The following RETREG1 variants were observed in gnomAD, a reference collection of about 807,000 sequenced individuals.
RETREG1 encodes the protein family with sequence similarity 134 member B.
Under a neutral mutation model 54.8 loss-of-function variants are expected in RETREG1, and 44 were observed. The ratio of observed to expected loss-of-function variants is 0.80; its 90% CI spans 0.63 to 1.03. The LOEUF (loss-of-function observed/expected upper bound fraction) is 1.03. RETREG1 is among the 50% of genes least tolerant of loss of function. The probability of loss-of-function intolerance (pLI) is 0.00; values close to 1 mark genes in which losing one functional copy is unlikely to be tolerated. For synonymous variants in RETREG1, 217 were observed against 238.5 expected (o/e 0.91, Z 0.83); for missense variants, 554 against 605.1 (o/e 0.92, Z 0.89).
intron 3 of RETREG1, among the ~76,000 whole-genome samples, chr5:16,514,305 C>G (rs903939102): frequency 6.6e-5 from 10 of 152,064 alleles, no homozygotes; most frequent in Non-Finnish European, 1.0e-4. Flanking sequence ...ACGGGAGAGC[C>G]CAAAGGTCCT....
At chr5:16,495,092 G>A (rs1056255587) in intron 3 of RETREG1, among the ~76,000 whole-genome samples, 2 of 152,200 alleles carry the variant, frequency 1.3e-5, no homozygotes, top group Non-Finnish European at 2.9e-5. Flanking sequence ...AACTTAAAGA[G>A]TGATGATTTA....
intron 3 of RETREG1, among the ~76,000 whole-genome samples, chr5:16,557,039 A>C (rs1741728421): frequency 6.6e-6 from 1 of 152,166 alleles, no homozygotes; most frequent in Non-Finnish European, 1.5e-5. Context: ...CATGTTGCCT[A>C]GGCTGGTCTT....
chr5:16,588,350 A>G (rs1428802344), intron 1 of RETREG1, among the ~76,000 whole-genome samples: 1 of 152,102 alleles, frequency 6.6e-6, no homozygotes, highest in Non-Finnish European at 1.5e-5. Flanking sequence ...CACCAGTCAT[A>G]TTGAATCAGG....
chr5:16,616,663 G>T lies in RETREG1; in HGVS notation c.309C>A (p.Asn103Lys). ...GCCCAAGCTCTCACCAGAACAGCAG[G>T]TTGGCAGCGACGAAGCCGAGCAGGC... is the stretch of plus-strand genomic sequence containing the variant. ...LRSLLGFVAA[N>K]LLFWFLALTP... is the part of the protein sequence containing the mutation. The change falls in exon 1 of 9, where the codon AAC (asparagine) becomes AAA (lysine). Residue 103 changes from asparagine (N) to lysine (K), a missense_variant. Around this residue, in one of 4 missense-constraint regions of RETREG1, gnomAD observed 347 missense variants for 412.3 expected, o/e 0.84. Coordinates refer to ENST00000306320, the MANE Select transcript of RETREG1 (RefSeq NM_001034850.3). 1 of 1,595,746 alleles carries T rather than the reference G, an allele frequency of 6.3e-7. No homozygotes were observed.
At chr5:16,613,151 A>G (rs1382022936) in intron 1 of RETREG1, among the ~76,000 whole-genome samples, 1 of 152,112 alleles carries the variant, frequency 6.6e-6, no homozygotes, top group Non-Finnish European at 1.5e-5. Flanking sequence ...AACACACAAC[A>G]TAGCATCTGA....
intron 3 of RETREG1, among the ~76,000 whole-genome samples, chr5:16,492,516 G>A (rs1210457755): frequency 6.6e-6 from 1 of 150,718 alleles, no homozygotes; most frequent in Non-Finnish European, 1.5e-5. Flanking sequence ...TGGCAACCAT[G>A]ACAAACAGCT....
intron 5 of RETREG1, among the ~76,000 whole-genome samples, chr5:16,480,400 C>G (rs1738716116): frequency 6.6e-6 from 1 of 152,200 alleles, no homozygotes; most frequent in African/African-American, 2.4e-5. Context: ...GGATTATATT[C>G]TGCTTTTGGC....
chr5:16,488,745 T>C (rs2447808), intron 3 of RETREG1, among the ~76,000 whole-genome samples: 35,530 of 152,096 alleles, frequency 0.23, 5,019 homozygotes, highest in Admixed American at 0.43. Context: ...TAGCAGAGAA[T>C]AATCAGTCCT....
rs560584330 is a variant in RETREG1, at chr5:16,550,679, C to A, written c.458+15084G>T. Among the ~76,000 whole-genome samples the A allele has an allele frequency of 2.0e-5, 3 of 152,282 alleles. No individual in the cohort carries two copies. In the South Asian group the frequency reaches 6.2e-4, roughly 32 times the overall value. On this transcript the variant is annotated intron_variant, in intron 3 of 8. Coordinates refer to ENST00000306320, the MANE Select transcript of RETREG1 (RefSeq NM_001034850.3). ...AAAACAAAACCAAACAAAATAAAAC[C>A]GAGCTGCTCCCTACTCAGAATAATC... is the stretch of plus-strand genomic sequence containing the variant.
At chr5:16,502,683 T>C (rs1255079719) in intron 3 of RETREG1, among the ~76,000 whole-genome samples, 2 of 112,402 alleles carry the variant, frequency 1.8e-5, no homozygotes, top group Admixed American at 9.7e-5. Context: ...TTCGCCATTA[T>C]ATTTTTCCCC....
chr5:16,498,228 G>A (rs1561089548), intron 3 of RETREG1, among the ~76,000 whole-genome samples: 1 of 152,196 alleles, frequency 6.6e-6, no homozygotes. Flanking sequence ...ACACCACAGA[G>A]TGTACTTACA....
intron 3 of RETREG1, among the ~76,000 whole-genome samples, chr5:16,485,008 C>T (rs1436036795): frequency 6.6e-6 from 1 of 152,056 alleles, no homozygotes; most frequent in Non-Finnish European, 1.5e-5. Flanking sequence ...TATTAAAATA[C>T]TAAGTGCATA....
At chr5:16,598,756 T>C (rs1742970076) in intron 1 of RETREG1, among the ~76,000 whole-genome samples, 1 of 152,244 alleles carries the variant, frequency 6.6e-6, no homozygotes, top group Non-Finnish European at 1.5e-5. Flanking sequence ...TTGTAAGTGA[T>C]GGACCCCACC....
At chr5:16,550,799 T>A (rs889040205) in intron 3 of RETREG1, among the ~76,000 whole-genome samples, 1 of 152,212 alleles carries the variant, frequency 6.6e-6, no homozygotes, top group South Asian at 2.1e-4. Context: ...TGGAAAGGAA[T>A]GTAGTGCTGA....
chr5:16,570,822 G>A (rs1367686893), intron 2 of RETREG1, among the ~76,000 whole-genome samples: 1 of 152,104 alleles, frequency 6.6e-6, no homozygotes. Flanking sequence ...TGGGGAGTTA[G>A]GTGTCTGTTC....
chr5:16,568,594 A>T (rs1742086814), intron 2 of RETREG1, among the ~76,000 whole-genome samples: 1 of 152,148 alleles, frequency 6.6e-6, no homozygotes, highest in Non-Finnish European at 1.5e-5. Flanking sequence ...TCTATTTCAT[A>T]TTAAGCACCT....
At chr5:16,479,127 A>C (rs1272729331) in intron 5 of RETREG1, 140 bp from the exon 6 acceptor site, 2 of 781,948 alleles carry the variant, frequency 2.6e-6, no homozygotes, top group African/African-American at 3.5e-5. Flanking sequence ...AAATAAGTTT[A>C]TAATTTCTAT....
intron 1 of RETREG1, among the ~76,000 whole-genome samples, chr5:16,575,585 G>A (rs1237571331): frequency 1.3e-5 from 2 of 152,226 alleles, no homozygotes; most frequent in Admixed American, 1.3e-4. Flanking sequence ...CACAGGCCTG[G>A]CTGCCAGACT....
intron 3 of RETREG1, among the ~76,000 whole-genome samples, chr5:16,551,117 A>C (rs1384796390): frequency 7.4e-6 from 1 of 135,866 alleles, no homozygotes; most frequent in Non-Finnish European, 1.7e-5. Flanking sequence ...TAACAACAAA[A>C]GCCATGCTAC....
Sources: gnomAD v4.1 joint callset for allele counts (sites outside exome capture counted in the v4.1 genomes callset) on GRCh38, gnomAD v4.1.1 for gene constraint, gnomAD v4.1.1 regional missense constraint, MANE v1.5 for transcripts, NCBI Gene and HGNC (gene_info 2026-07-23, HGNC 2026-07-21) for gene names.